Variants in AMER2 observed in about 807,000 individuals in gnomAD.
AMER2 encodes APC membrane recruitment protein 2.
AMER2 carries 1 observed loss-of-function variant against 4.7 expected under a neutral mutation model. The ratio of observed to expected loss-of-function variants is 0.21; its 90% confidence interval spans 0.07 to 1.00. AMER2 has a LOEUF of 1.00. Ranked by LOEUF, AMER2 falls within the 50% of genes least tolerant of loss-of-function variation. The pLI, the probability that AMER2 is intolerant of heterozygous loss-of-function variation, is 0.60. For missense variants in AMER2, 988 were observed against 966.9 expected, an observed-to-expected ratio of 1.02 and a Z score of -0.29; for synonymous variants, 485 against 433.3, an observed-to-expected ratio of 1.12 and a Z score of -1.48.
Position 25,171,901 on chromosome 13 carries a change from A to C in AMER2, c.-282T>G. On this transcript the variant is annotated 5_prime_UTR_variant, in exon 1 of 1. Transcript: ENST00000515384. The surrounding 1 kb of genome is among the most constrained non-coding windows in gnomAD (Gnocchi z 5.9). ...TAATTATGGAATTCAAATTCCCTCA[A>C]CTCTCACCCACCTTCGGATTCCTTC... 1 of 445,964 alleles carries C rather than the reference A, an allele frequency of 2.2e-6. No individual in the cohort carries two copies. Among genetic ancestry groups the C allele is most frequent in the Non-Finnish European group, 3.7e-6 (1 of 271,960 alleles). The allele number at this position is 445,964 out of a possible 1,614,324, so 27.6% of individuals were successfully genotyped here. A position where few individuals can be genotyped will look rare whatever the true frequency, so the allele number is the denominator to read the frequency against.
chr13:25,171,205 G>A lies in AMER2; in HGVS notation c.415C>T (p.Pro139Ser). 7.2e-7 allele frequency: 1 copy of A among 1,394,606 alleles called. No homozygotes were observed. 86.4% of individuals were successfully genotyped at this position (1,394,606 alleles called of 1,614,324 possible). The change falls in exon 1 of 1, where the codon CCG becomes TCG. Residue 139 changes from proline to serine, a missense_variant. By Grantham distance (74) the Pro-to-Ser change is moderately conservative (BLOSUM62 -1). Transcript: ENST00000515384. The surrounding 1 kb of genome is among the most constrained non-coding windows in gnomAD (Gnocchi z 5.9). ...GGCCCTGCGGCTCTGGGGGGCCCCGGGTTCGGCCGCCCCCCGCCGCCCCCG... is the reference window on the plus strand; with the variant it reads ...GGCCCTGCGGCTCTGGGGGGCCCCGAGTTCGGCCGCCCCCCGCCGCCCCCG... ...SGGGGGGRPN[P>S]GPPRAAGPGG...
rs762428058 is a variant in AMER2, at chr13:25,170,287, G to T, written c.1333C>A (p.Gln445Lys). Residue 445 changes from glutamine (Q) to lysine (K), a missense_variant, in exon 1 of 1, where the codon CAG becomes AAG. Coordinates refer to ENST00000515384, the MANE Select transcript of AMER2 (RefSeq NM_152704.4). This position sits in a 1 kb window ranked among gnomAD's most constrained non-coding sequence, Gnocchi z 7.3. ...GGCTCGGGTCCCTGCTCCTCGGTCT[G>T]GGAGAGCATGTCCCAGAACTCCTGT... ...YLQEFWDMLS[Q>K]TEEQGPEPQE... 1.9e-6 allele frequency: 3 copies of T among 1,613,554 alleles called. No homozygotes were observed. The highest frequency in any genetic ancestry group is 2.2e-5 in the South Asian group (2 of 91,008).
At position 25,169,930 on chromosome 13, in the gene AMER2, C is replaced by T. The variant is rs1956531658; in HGVS notation, c.1690G>A (p.Gly564Arg). 1.2e-6 allele frequency: 2 copies of T among 1,614,156 alleles called. No homozygotes were observed. Among genetic ancestry groups the T allele is most frequent in the Non-Finnish European group, 8.5e-7 (1 of 1,180,032 alleles). The change falls in exon 1 of 1, where the codon GGA (glycine) becomes AGA (arginine). Residue 564 changes from glycine to arginine, a missense_variant. By Grantham distance (125) the Gly-to-Arg change is moderately radical. Transcript: ENST00000515384. This position sits in a 1 kb window ranked among gnomAD's most constrained non-coding sequence, Gnocchi z 4.2. Reference protein sequence around the residue: ...ALYDLYADPDGSPATLPGGKD... With the variant: ...ALYDLYADPDRSPATLPGGKD... ...CCTCCAGGAAGGGTTGCTGGACTTC[C>T]GTCCGGGTCAGCATAGAGATCATAG...
Position 25,171,753 on chromosome 13 carries a change from C to T in AMER2, c.-134G>A. 1 of 1,401,454 alleles carries T rather than the reference C, an allele frequency of 7.1e-7. No individual in the cohort carries two copies. The highest frequency in any genetic ancestry group is 9.2e-7 in the Non-Finnish European group (1 of 1,087,290). 86.8% of individuals were successfully genotyped at this position (1,401,454 alleles called of 1,614,324 possible). A position where few individuals can be genotyped will look rare whatever the true frequency, so the allele number is the denominator to read the frequency against. On this transcript the variant is annotated 5_prime_UTR_variant, in exon 1 of 1. Coordinates refer to ENST00000515384, the MANE Select transcript of AMER2 (RefSeq NM_152704.4). This position sits in a 1 kb window ranked among gnomAD's most constrained non-coding sequence, Gnocchi z 5.9. ...GAAACACACATAAAAGACCATCTTC[C>T]CTCCCGCAAGGGCTTATATAATACC...
At position 25,171,033 on chromosome 13, in the gene AMER2, C is replaced by A; in HGVS notation, c.587G>T (p.Gly196Val). The change falls in exon 1 of 1, where the codon GGG becomes GTG. Residue 196 changes from glycine to valine, a missense_variant. Transcript: ENST00000515384. The surrounding 1 kb of genome is among the most constrained non-coding windows in gnomAD (Gnocchi z 5.9). ...GTGCCAGCGCATGCCGCTGAACAGC[C>A]CCCGCAGCCCCCGCTTTTGTTTGCC... ...AGGKQKRGLR[G>V]LFSGMRWHRK... 2 of 1,573,596 alleles carry A rather than the reference C, an allele frequency of 1.3e-6. No homozygotes were observed. Among genetic ancestry groups the A allele is most frequent in the Non-Finnish European group, 1.7e-6 (2 of 1,161,352 alleles).
In AMER2 at chr13:25,165,740, G is replaced by A. The variant is rs1253229770; in HGVS notation, c.*3864C>T. On this transcript the variant is annotated 3_prime_UTR_variant, in exon 1 of 1. Coordinates refer to ENST00000515384, the MANE Select transcript of AMER2 (RefSeq NM_152704.4). ...GAAGGGGAGCAAAGCATACGTGAATGTACTGGAACAGGTCTCAGCAGAAGC... is the reference window on the plus strand; with the variant it reads ...GAAGGGGAGCAAAGCATACGTGAATATACTGGAACAGGTCTCAGCAGAAGC... The A allele has an allele frequency of 2.0e-5, 3 of 152,244 alleles. No individual in the cohort carries two copies. Among genetic ancestry groups the A allele is most frequent in the South Asian group, 2.1e-4 (1 of 4,834 alleles). 9.4% of individuals were successfully genotyped at this position (152,244 alleles called of 1,614,324 possible).
rs796763392 is a variant in AMER2, at chr13:25,169,006, A to T, written c.*598T>A. ...ACTGAACGTAGGGAAGTTTTCTGCC[A>T]ATCAGTGGTCCCCTCTGCTCATCAG... On this transcript the variant is annotated 3_prime_UTR_variant, in exon 1 of 1. Transcript: ENST00000515384. The surrounding 1 kb of genome is among the most constrained non-coding windows in gnomAD (Gnocchi z 4.2). The T allele has an allele frequency of 1.3e-5, 2 of 152,672 alleles. No individual in the cohort carries two copies. Among genetic ancestry groups the T allele is most frequent in the Non-Finnish European group, 2.9e-5 (2 of 68,048 alleles). 9.5% of individuals were successfully genotyped at this position (152,672 alleles called of 1,614,324 possible).
Position 25,169,389 on chromosome 13 carries a change from G to T in AMER2, c.*215C>A. The T allele has an allele frequency of 2.0e-6, 1 of 489,812 alleles. No homozygotes were observed. Among genetic ancestry groups the T allele is most frequent in the Non-Finnish European group, 3.4e-6 (1 of 292,966 alleles). The allele number at this position is 489,812 out of a possible 1,614,324, so 30.3% of individuals were successfully genotyped here. ...AAAATAATTCTCAGGGACTTATCTT[G>T]AGAGGAGAAACCCCCGTGTAGCATC... On this transcript the variant is annotated 3_prime_UTR_variant, in exon 1 of 1. Coordinates refer to ENST00000515384, the MANE Select transcript of AMER2 (RefSeq NM_152704.4). This position sits in a 1 kb window ranked among gnomAD's most constrained non-coding sequence, Gnocchi z 4.2.
In AMER2 at chr13:25,169,897, T is replaced by C; in HGVS notation, c.1723A>G (p.Asn575Asp). The C allele has an allele frequency of 1.2e-6, 2 of 1,614,118 alleles. No individual in the cohort carries two copies. The highest frequency in any genetic ancestry group is 1.3e-5 in the African/African-American group (1 of 75,036). ...CGGGACAGGGAGGACGTCTCCTCGTTGTCCTTCCCTCCAGGAAGGGTTGCT... is the reference window on the plus strand; with the variant it reads ...CGGGACAGGGAGGACGTCTCCTCGTCGTCCTTCCCTCCAGGAAGGGTTGCT... ...SPATLPGGKD[N>D]EETSSLSRLK... The change falls in exon 1 of 1, where the codon AAC becomes GAC. Residue 575 changes from asparagine to aspartate, a missense_variant. Asn to Asp is a conservative substitution (Grantham distance 23). Coordinates refer to ENST00000515384, the MANE Select transcript of AMER2 (RefSeq NM_152704.4). This position sits in a 1 kb window ranked among gnomAD's most constrained non-coding sequence, Gnocchi z 4.2.
rs1226072675 is a variant in AMER2, at chr13:25,164,003, G to C, written c.*5601C>G. ...GCCTGTAGTCTCAGCTACTTGGGAG[G>C]CTGAGGCAGGAGAATCACTTGAACC... On this transcript the variant is annotated 3_prime_UTR_variant, in exon 1 of 1. Coordinates refer to ENST00000515384, the MANE Select transcript of AMER2 (RefSeq NM_152704.4). 3 of 151,378 alleles carry C rather than the reference G, an allele frequency of 2.0e-5. No individual in the cohort carries two copies. The highest frequency in any genetic ancestry group is 7.3e-5 in the African/African-American group (3 of 41,014). The allele number at this position is 151,378 out of a possible 1,614,324, so 9.4% of individuals were successfully genotyped here. A position where few individuals can be genotyped will look rare whatever the true frequency, so the allele number is the denominator to read the frequency against.
At position 25,171,547 on chromosome 13, in the gene AMER2, C is replaced by A. The variant is rs1956580995; in HGVS notation, c.73G>T (p.Val25Phe). ...CCGGCCTCCGCCTTCCTCCTGCAGA[C>A]CCCCACGGACGCGCCAGCTCCGCCG... ...ERGGAGASVG[V>F]CRRKAEAGAG... The change falls in exon 1 of 1, where the codon GTC becomes TTC. Residue 25 changes from valine (V) to phenylalanine (F), a missense_variant. Coordinates refer to ENST00000515384, the MANE Select transcript of AMER2 (RefSeq NM_152704.4). This position sits in a 1 kb window ranked among gnomAD's most constrained non-coding sequence, Gnocchi z 5.9. The A allele has an allele frequency of 1.9e-6, 3 of 1,579,272 alleles. No individual in the cohort carries two copies. In the South Asian group the frequency reaches 3.4e-5, roughly 18 times the overall value.
In AMER2 at chr13:25,170,381, G is replaced by T; in HGVS notation, c.1239C>A (p.Pro413=). 3.7e-6 allele frequency: 6 copies of T among 1,614,070 alleles called. No individual in the cohort carries two copies. The highest frequency in any genetic ancestry group is 5.1e-6 in the Non-Finnish European group (6 of 1,179,982). The change falls in exon 1 of 1, where the codon CCC becomes CCA. Residue 413 remains proline (P), a synonymous_variant. Coordinates refer to ENST00000515384, the MANE Select transcript of AMER2 (RefSeq NM_152704.4). The surrounding 1 kb of genome is among the most constrained non-coding windows in gnomAD (Gnocchi z 7.3). ...CGCCTCCTTGGTAGGCCACCACGCCGGGGTTCTTTTTAGACAGAGCCGGCT... is the reference window on the plus strand; with the variant it reads ...CGCCTCCTTGGTAGGCCACCACGCCTGGGTTCTTTTTAGACAGAGCCGGCT... The part of the protein sequence containing the change: ...PGKPALSKKN[P]GVVAYQGGGE...
rs747981824 is a variant in AMER2, at chr13:25,169,591, G to C, written c.*13C>G. The C allele has an allele frequency of 3.9e-6, 6 of 1,557,126 alleles. No individual in the cohort carries two copies. Among genetic ancestry groups the C allele is most frequent in the Non-Finnish European group, 5.2e-6 (6 of 1,151,286 alleles). ...CCTTGGCATGGGGCCCATCCACCTT[G>C]GCCTGGAAGACCTCACAACTTTTTG... On this transcript the variant is annotated 3_prime_UTR_variant, in exon 1 of 1. Transcript: ENST00000515384. This position sits in a 1 kb window ranked among gnomAD's most constrained non-coding sequence, Gnocchi z 4.2.
In AMER2 at chr13:25,171,252, G is replaced by C; in HGVS notation, c.368C>G (p.Pro123Arg). The C allele has an allele frequency of 1.4e-6, 2 of 1,423,720 alleles. No individual in the cohort carries two copies. The highest frequency in any genetic ancestry group is 1.8e-6 in the Non-Finnish European group (2 of 1,090,184). 88.2% of individuals were successfully genotyped at this position (1,423,720 alleles called of 1,614,324 possible). A position where few individuals can be genotyped will look rare whatever the true frequency, so the allele number is the denominator to read the frequency against. ...LVLESGRKEE[P>R]RGGGDSGGGG... ...CCCGCCGCTGTCGCCCCCGCCGCGC[G>C]GCTCCTCCTTCCTGCCGCTCTCCAG... The change falls in exon 1 of 1, where the codon CCG becomes CGG. Residue 123 changes from proline to arginine, a missense_variant. Transcript: ENST00000515384. This position sits in a 1 kb window ranked among gnomAD's most constrained non-coding sequence, Gnocchi z 5.9.
rs1436677295 is a variant in AMER2, at chr13:25,166,514, A to G, written c.*3090T>C. ...GGCTGTCTTTGTGCAGAGCTATTAA[A>G]CCAACCGATAAATTTTCGCCCAACA... On this transcript the variant is annotated 3_prime_UTR_variant, in exon 1 of 1. Transcript: ENST00000515384. 6.6e-6 allele frequency: 1 copy of G among 152,192 alleles called. No individual in the cohort carries two copies. Among genetic ancestry groups the G allele is most frequent in the Non-Finnish European group, 1.5e-5 (1 of 68,034 alleles). 9.4% of individuals were successfully genotyped at this position (152,192 alleles called of 1,614,324 possible).
Position 25,169,529 on chromosome 13 carries a change from A to T in AMER2, c.*75T>A. 1.3e-6 allele frequency: 2 copies of T among 1,507,982 alleles called. No homozygotes were observed. The highest frequency in any genetic ancestry group is 2.7e-5 in the South Asian group (2 of 73,816). The allele number at this position is 1,507,982 out of a possible 1,614,324, so 93.4% of individuals were successfully genotyped here. A position where few individuals can be genotyped will look rare whatever the true frequency, so the allele number is the denominator to read the frequency against. On this transcript the variant is annotated 3_prime_UTR_variant, in exon 1 of 1. Coordinates refer to ENST00000515384, the MANE Select transcript of AMER2 (RefSeq NM_152704.4). The surrounding 1 kb of genome is among the most constrained non-coding windows in gnomAD (Gnocchi z 4.2). ...TAAAAGACTTTCTTTAGGAAAAGCA[A>T]AACTTACTTTAGTGGTTTCCAGGGA... is the stretch of plus-strand genomic sequence containing the variant.
Position 25,161,986 on chromosome 13 carries a change from A to C in AMER2, c.*7618T>G, listed in dbSNP as rs186089283. 6.6e-6 allele frequency: 1 copy of C among 152,186 alleles called. No individual in the cohort carries two copies. Among genetic ancestry groups the C allele is most frequent in the African/African-American group, 2.4e-5 (1 of 41,448 alleles). 9.4% of individuals were successfully genotyped at this position (152,186 alleles called of 1,614,324 possible). ...CATTGGAGTGGAGAAAGGAGGAAAG[A>C]CCCTATTGCTATTTAGAATCCTTTT... On this transcript the variant is annotated 3_prime_UTR_variant, in exon 1 of 1. Coordinates refer to ENST00000515384, the MANE Select transcript of AMER2 (RefSeq NM_152704.4).
rs1397104033 is a variant in AMER2, at chr13:25,167,152, T to C, written c.*2452A>G. On this transcript the variant is annotated 3_prime_UTR_variant, in exon 1 of 1. Transcript: ENST00000515384. ...CTAAAATTATGAAAGCAAAAACTTT[T>C]CTTCTACTGCTTAAGAAATAGATTG... 4 of 152,126 alleles carry C rather than the reference T, an allele frequency of 2.6e-5. No homozygotes were observed. Among genetic ancestry groups the C allele is most frequent in the Non-Finnish European group, 5.9e-5 (4 of 68,014 alleles). The allele number at this position is 152,126 out of a possible 1,614,324, so 9.4% of individuals were successfully genotyped here.
chr13:25,170,477 A>C lies in AMER2; in HGVS notation c.1143T>G (p.Cys381Trp), dbSNP rs796490688. Residue 381 changes from cysteine (C) to tryptophan (W), a missense_variant, in exon 1 of 1, where the codon TGT becomes TGG. By Grantham distance (215) the Cys-to-Trp change is radical. Coordinates refer to ENST00000515384, the MANE Select transcript of AMER2 (RefSeq NM_152704.4). This position sits in a 1 kb window ranked among gnomAD's most constrained non-coding sequence, Gnocchi z 7.3. ...SLKSFDSLTG[C>W]GDIIADQEEE... ...CCTCTTGGTCTGCAATAATATCTCC[A>C]CAGCCTGTAAGAGAGTCAAAGCTTT... 6.2e-7 allele frequency: 1 copy of C among 1,614,058 alleles called. No individual in the cohort carries two copies. Among genetic ancestry groups the C allele is most frequent in the Non-Finnish European group, 8.5e-7 (1 of 1,180,012 alleles).
Sources: allele counts gnomAD v4.1 joint callset, GRCh38; gene constraint gnomAD v4.1.1; non-coding constraint Gnocchi (gnomAD v3.1); transcripts MANE v1.5; gene names NCBI Gene and HGNC (gene_info 2026-07-23, HGNC 2026-07-21).